The following RBFOX1 variants were observed in gnomAD, a reference collection of about 807,000 sequenced individuals.
The protein encoded by RBFOX1 is RNA binding fox-1 homolog 1.
In RBFOX1, 8 loss-of-function variants were observed where a neutral mutation model predicts 57.7. The observed-to-expected ratio is 0.14, with a 90% confidence interval of 0.08 to 0.25. The LOEUF is 0.25. RBFOX1 is among the 10% of genes least tolerant of loss of function. The pLI is 1.00. For missense variants in RBFOX1, 611 were observed against 548.5 expected (o/e 1.11, Z -1.14); for synonymous variants, 326 against 222.4 (o/e 1.47, Z -4.15).
At chr16:6,965,916 G>C (rs760667874) in intron 3 of RBFOX1, among the ~76,000 whole-genome samples, 8 of 152,172 alleles carry the variant, frequency 5.3e-5, no homozygotes, top group South Asian at 2.1e-4. Context: ...AATAGTAGCA[G>C]AGTTGGCATT....
intron 1 of RBFOX1, among the ~76,000 whole-genome samples, chr16:6,070,197 A>T (rs1197201027): frequency 6.6e-6 from 1 of 152,206 alleles, no homozygotes; most frequent in Non-Finnish European, 1.5e-5. Context: ...TTGTACAAAG[A>T]TATGCCATCA....
At chr16:6,349,091 G>C (rs911771121) in intron 2 of RBFOX1, among the ~76,000 whole-genome samples, 1 of 152,110 alleles carries the variant, frequency 6.6e-6, no homozygotes, top group Admixed American at 6.6e-5. Flanking sequence ...TGTGCCGTGG[G>C]TTGCTATCTC....
intron 4 of RBFOX1, among the ~76,000 whole-genome samples, chr16:7,112,679 G>GTGTGTGAGTGTGTGTGTGT (rs369771164): frequency 7.0e-6 from 1 of 141,898 alleles, no homozygotes; most frequent in Non-Finnish European, 1.5e-5. Context: ...TGTGTGTGTG[G>GTGTGTGAGTGTGTGTGTGT]GTGTGGGTGT....
chr16:5,712,163 A>C (rs2051513081), intron 3 of RBFOX1, among the ~76,000 whole-genome samples: 1 of 152,108 alleles, frequency 6.6e-6, no homozygotes, highest in Admixed American at 6.5e-5. Flanking sequence ...CATAGGCGAA[A>C]ACTGCCCCCA....
At chr16:6,198,601 C>A (rs1310207011) in intron 1 of RBFOX1, among the ~76,000 whole-genome samples, 1 of 152,168 alleles carries the variant, frequency 6.6e-6, no homozygotes, top group African/African-American at 2.4e-5. Flanking sequence ...TAATTCCTAA[C>A]ATTCCATGCT....
rs917116646 is a variant in RBFOX1 at position 6,121,400 on chromosome 16, G to A, written c.-127+101408G>A. 2.6e-5 allele frequency among the ~76,000 whole-genome samples: 4 copies of A among 152,148 alleles called. No homozygotes were observed. In the East Asian group the frequency reaches 5.8e-4, roughly 22 times the overall value. ...CTGAGTGTGCTGTGGACCACCTTTGGAGAAACACCAGGGAAAGTGATGATG... is the reference window on the plus strand; with the variant it reads ...CTGAGTGTGCTGTGGACCACCTTTGAAGAAACACCAGGGAAAGTGATGATG... On this transcript the variant is annotated intron_variant, in intron 1 of 15. Coordinates refer to ENST00000550418, the MANE Select transcript of RBFOX1 (RefSeq NM_018723.4).
At chr16:7,133,417 A>G (rs922777566) in intron 4 of RBFOX1, among the ~76,000 whole-genome samples, 1 of 152,188 alleles carries the variant, frequency 6.6e-6, no homozygotes, top group African/African-American at 2.4e-5. Context: ...ATGTTTTTCC[A>G]AAGAGAAGTA....
chr16:6,462,234 C>G (rs2094936458), intron 2 of RBFOX1, among the ~76,000 whole-genome samples: 1 of 152,176 alleles, frequency 6.6e-6, no homozygotes. Context: ...GTCCTCCAGT[C>G]TCACTCTGGG....
intron 3 of RBFOX1, among the ~76,000 whole-genome samples, chr16:6,696,958 C>G (rs754861487): frequency 5.9e-5 from 9 of 152,164 alleles, no homozygotes; most frequent in Non-Finnish European, 1.2e-4. Context: ...CCTGTAGCCT[C>G]TAGTTGATTA....
chr16:5,570,171 C>T (rs755362072), intron 2 of RBFOX1, among the ~76,000 whole-genome samples: 5 of 152,090 alleles, frequency 3.3e-5, no homozygotes, highest in Non-Finnish European at 5.9e-5. Context: ...TCCTTATGTG[C>T]TCACTCTCTC....
chr16:6,338,752 A>C (rs1040730194), intron 2 of RBFOX1, among the ~76,000 whole-genome samples: 2 of 152,258 alleles, frequency 1.3e-5, no homozygotes, highest in South Asian at 2.1e-4. Context: ...ATGTTTAACC[A>C]ACTTCTCAAA....
At chr16:6,938,496 T>G (rs576836131) in intron 3 of RBFOX1, among the ~76,000 whole-genome samples, 2 of 152,318 alleles carry the variant, frequency 1.3e-5, no homozygotes, top group African/African-American at 4.8e-5. Context: ...GTCTCATCCA[T>G]AATATTAATA....
intron 3 of RBFOX1, among the ~76,000 whole-genome samples, chr16:7,038,211 A>G (rs1392055311): frequency 6.6e-6 from 1 of 152,134 alleles, no homozygotes; most frequent in African/African-American, 2.4e-5. Context: ...AGACCGGTTC[A>G]GGGAAGCATG....
chr16:6,151,460 A>G (rs1043028447), intron 1 of RBFOX1, among the ~76,000 whole-genome samples: 7 of 151,896 alleles, frequency 4.6e-5, no homozygotes, highest in Non-Finnish European at 1.0e-4. Flanking sequence ...TAATTTTTGT[A>G]TTTTTAGTAG....
chr16:6,958,194 C>G (rs2082260914), intron 3 of RBFOX1, among the ~76,000 whole-genome samples: 1 of 152,166 alleles, frequency 6.6e-6, no homozygotes, highest in Non-Finnish European at 1.5e-5. Flanking sequence ...AAAGTTGAGG[C>G]ACAGCATTTT....
chr16:5,803,000 T>G (rs917028100), intron 3 of RBFOX1, among the ~76,000 whole-genome samples: 9 of 152,164 alleles, frequency 5.9e-5, no homozygotes, highest in Non-Finnish European at 1.0e-4. Context: ...AATTCATAGT[T>G]TAGAGAAGGA....
At chr16:6,213,990 A>G (rs565519303) in intron 1 of RBFOX1, among the ~76,000 whole-genome samples, 9 of 152,170 alleles carry the variant, frequency 5.9e-5, no homozygotes, top group Non-Finnish European at 1.2e-4. Context: ...GATATTGACA[A>G]ATGTCCCCTG....
At chr16:6,758,301 C>T (rs1192299987) in intron 3 of RBFOX1, among the ~76,000 whole-genome samples, 1 of 151,932 alleles carries the variant, frequency 6.6e-6, no homozygotes, top group East Asian at 1.9e-4. Context: ...TAAAATGTCC[C>T]AATAAAAATT....
At chr16:5,640,134 C>T (rs2048811091) in intron 3 of RBFOX1, among the ~76,000 whole-genome samples, 1 of 152,134 alleles carries the variant, frequency 6.6e-6, no homozygotes, top group African/African-American at 2.4e-5. Context: ...GAAGTGGCCG[C>T]TTACCCAGGC....
Sources: allele counts gnomAD v4.1 joint callset (sites outside exome capture counted in the v4.1 genomes callset), GRCh38; gene constraint gnomAD v4.1.1; transcripts MANE v1.5; gene names NCBI Gene and HGNC (gene_info 2026-07-23, HGNC 2026-07-21).